The following PTPRK variants were observed in gnomAD, a reference collection of about 807,000 sequenced individuals.
PTPRK encodes the protein protein tyrosine phosphatase receptor type K.
A neutral mutation model predicts 178.0 loss-of-function variants in PTPRK; 75 were observed. The observed-to-expected ratio is 0.42, with a 90% CI of 0.35 to 0.51. The LOEUF (loss-of-function observed/expected upper bound fraction) is 0.51, where lower values mean the gene tolerates loss of function less well. Ranked by LOEUF, PTPRK falls within the 20% of genes least tolerant of loss-of-function variation. PTPRK has a pLI of 0.02. For synonymous variants in PTPRK, 637 were observed against 620.6 expected, an observed-to-expected ratio of 1.03 and a Z score of -0.39; for missense variants, 1,441 against 1,797.8, an observed-to-expected ratio of 0.80 and a Z score of 3.59.
intron 13 of PTPRK, among the ~76,000 whole-genome samples, chr6:128,018,039 C>T (rs1032423864): frequency 1.3e-5 from 2 of 151,076 alleles, no homozygotes; most frequent in South Asian, 2.1e-4. Context: ...ACCCTCTCAC[C>T]TCTAAATACC....
At chr6:128,502,826 T>G (rs1855752874) in intron 1 of PTPRK, among the ~76,000 whole-genome samples, 1 of 152,118 alleles carries the variant, frequency 6.6e-6, no homozygotes, top group African/African-American at 2.4e-5. Context: ...TAAATAAGGG[T>G]GTGTTACTAT....
At chr6:128,147,559 A>C (rs1186053363) in intron 7 of PTPRK, among the ~76,000 whole-genome samples, 1 of 152,172 alleles carries the variant, frequency 6.6e-6, no homozygotes, top group African/African-American at 2.4e-5. Context: ...AAACCATATA[A>C]ATAAAATGCA....
At chr6:128,124,739 T>C (rs1352624053) in intron 7 of PTPRK, among the ~76,000 whole-genome samples, 1 of 152,200 alleles carries the variant, frequency 6.6e-6, no homozygotes, top group Non-Finnish European at 1.5e-5. Flanking sequence ...ATAATGTGGG[T>C]AGGCCTTATC....
chr6:128,030,911 G>A (rs989427741), intron 13 of PTPRK, among the ~76,000 whole-genome samples: 1 of 152,210 alleles, frequency 6.6e-6, no homozygotes, highest in East Asian at 1.9e-4. Flanking sequence ...TTGAACCATA[G>A]CATTCATTTT....
intron 6 of PTPRK, among the ~76,000 whole-genome samples, chr6:128,213,157 T>C (rs950820923): frequency 1.3e-5 from 2 of 152,076 alleles, no homozygotes; most frequent in Admixed American, 6.6e-5. Flanking sequence ...TAGTTTCTGG[T>C]TGCACCAAAA....
rs116158630 is a variant in PTPRK, at chr6:128,108,033, G to C, written c.1163-18041C>G. Among the ~76,000 whole-genome samples, 446 of 147,864 alleles carry C rather than the reference G, an allele frequency of 3.0e-3. 3 individuals carry two copies. Among genetic ancestry groups the C allele is most frequent in the African/African-American group, 0.011 (428 of 39,888 alleles). On this transcript the variant is annotated intron_variant, in intron 7 of 29. Transcript: ENST00000368226. The stretch of plus-strand genomic sequence containing the variant: ...TCTCAACCATTTGATTATGTCCCAG[G>C]CCATGCCAAAAACAAACCAAATCCC...
chr6:128,435,806 A>G (rs1845516533), intron 1 of PTPRK, among the ~76,000 whole-genome samples: 1 of 152,172 alleles, frequency 6.6e-6, no homozygotes, highest in Non-Finnish European at 1.5e-5. Flanking sequence ...CCCCAACTCA[A>G]AAATTACAAT....
intron 2 of PTPRK, among the ~76,000 whole-genome samples, chr6:128,383,831 A>G (rs1285281203): frequency 3.9e-5 from 6 of 152,214 alleles, no homozygotes; most frequent in African/African-American, 1.4e-4. Context: ...TTATAGCCAC[A>G]AAAGTAATAA....
rs570189381 is a variant in PTPRK at position 128,053,983 on chromosome 6, T to A, written c.2194+10775A>T. On this transcript the variant is annotated intron_variant, in intron 13 of 29. Transcript: ENST00000368226. The stretch of plus-strand genomic sequence containing the variant: ...TTTAACTGCATCAATCTAACATATA[T>A]GCTATTGAGATTTTTTTTAACCCAA... Among the ~76,000 whole-genome samples the A allele has an allele frequency of 4.6e-5, 7 of 152,362 alleles. No homozygotes were observed. The East Asian group carries it at 1.3e-3, about 29-fold the overall frequency.
rs758654560 is a variant in PTPRK at position 128,064,811 on chromosome 6, GAA to G, written c.2158-19_2158-18del. The stretch of plus-strand genomic sequence containing the variant: ...TTTAGTTTCCTGATAGAGTAAAAAT[GAA>G]AAAAAAAAGAGTCAATGTACAGATA... On this transcript the variant is annotated intron_variant, in intron 12 of 29. Coordinates refer to ENST00000368226, the MANE Select transcript of PTPRK (RefSeq NM_002844.4). 110 of 1,445,330 alleles carry G rather than the reference GAA, an allele frequency of 7.6e-5. No individual in the cohort carries two copies. The highest frequency in any genetic ancestry group is 1.0e-4 in the Non-Finnish European group (109 of 1,084,788). The allele number at this position is 1,445,330 out of a possible 1,614,324, so 89.5% of individuals were successfully genotyped here.
intron 2 of PTPRK, among the ~76,000 whole-genome samples, chr6:128,395,286 G>A (rs1053985791): frequency 2.6e-5 from 4 of 152,124 alleles, no homozygotes; most frequent in African/African-American, 7.2e-5. Context: ...CAAAGTGGCC[G>A]TGACCTTTTT....
At chr6:128,439,814 C>T (rs960050654) in intron 1 of PTPRK, among the ~76,000 whole-genome samples, 2 of 152,152 alleles carry the variant, frequency 1.3e-5, no homozygotes, top group African/African-American at 4.8e-5. Context: ...CAACCATGTG[C>T]TAATTCCAAG....
chr6:128,380,979 C>T (rs1837825565), intron 2 of PTPRK, among the ~76,000 whole-genome samples: 1 of 152,098 alleles, frequency 6.6e-6, no homozygotes, highest in South Asian at 2.1e-4. Flanking sequence ...TGACAATAAA[C>T]TCTATCAGAC....
At chr6:127,989,095 C>T (rs1481237646) in intron 21 of PTPRK, among the ~76,000 whole-genome samples, 2 of 151,996 alleles carry the variant, frequency 1.3e-5, no homozygotes, top group Non-Finnish European at 2.9e-5. Context: ...GTCATCATTG[C>T]TTTCTATTGG....
At chr6:128,248,754 G>A (rs1815935204) in intron 3 of PTPRK, among the ~76,000 whole-genome samples, 1 of 152,118 alleles carries the variant, frequency 6.6e-6, no homozygotes. Flanking sequence ...ATGCTTTATA[G>A]GAAGTTTGTC....
chr6:128,446,710 T>C (rs1313695848), intron 1 of PTPRK, among the ~76,000 whole-genome samples: 2 of 152,098 alleles, frequency 1.3e-5, no homozygotes, highest in Non-Finnish European at 2.9e-5. Flanking sequence ...AATTATAAGG[T>C]TTGAAATTAG....
In PTPRK at chr6:127,987,085, T is replaced by C. The variant is rs557632101; in HGVS notation, c.3097-1210A>G. 3.3e-5 allele frequency among the ~76,000 whole-genome samples: 5 copies of C among 152,256 alleles called. No individual in the cohort carries two copies. The South Asian group carries it at 1.0e-3, about 32-fold the overall frequency. On this transcript the variant is annotated intron_variant, in intron 21 of 29. Coordinates refer to ENST00000368226, the MANE Select transcript of PTPRK (RefSeq NM_002844.4). ...TAATACTTTACTCCTTCTATATTAA[T>C]TCTTTTATTGGAGTTGCTTAATAGG...
intron 11 of PTPRK, among the ~76,000 whole-genome samples, chr6:128,069,359 A>T (rs1331170463): frequency 3.9e-5 from 6 of 152,132 alleles, no homozygotes; most frequent in African/African-American, 1.4e-4. Context: ...ACCTCTGCCA[A>T]GTTGGTTGCT....
chr6:128,492,312 T>C (rs1853923766), intron 1 of PTPRK, among the ~76,000 whole-genome samples: 1 of 152,124 alleles, frequency 6.6e-6, no homozygotes, highest in Admixed American at 6.5e-5. Context: ...CCCAACTGAG[T>C]AGTTTGCCTC....
Sources: gnomAD v4.1 joint callset for allele counts (sites outside exome capture counted in the v4.1 genomes callset) on GRCh38, gnomAD v4.1.1 for gene constraint, MANE v1.5 for transcripts, NCBI Gene and HGNC (gene_info 2026-07-23, HGNC 2026-07-21) for gene names.